Variants in ETFA observed in about 807,000 individuals in gnomAD.
The protein encoded by ETFA is electron transfer flavoprotein subunit alpha, also known as electron transfer flavoprotein subunit alpha, mitochondrial.
In ETFA, 22 loss-of-function variants were observed where a neutral mutation model predicts 46.2. The ratio of observed to expected loss-of-function variants is 0.48; its 90% CI spans 0.34 to 0.68. ETFA has a LOEUF of 0.68. Among genes scored for constraint, ETFA ranks in the 30% least tolerant of loss-of-function variants. The pLI is 0.01. For missense variants in ETFA, 345 were observed against 401.1 expected, an observed-to-expected ratio of 0.86 and a Z score of 1.19; for synonymous variants, 131 against 139.9, an observed-to-expected ratio of 0.94 and a Z score of 0.45.
chr15:76,285,800 T>C, intron 6 of ETFA, 62 bp from the exon 7 acceptor site: 1 of 1,056,756 alleles, frequency 9.5e-7, no homozygotes, highest in Non-Finnish European at 1.5e-6. Context: ...ACAAGAATTA[T>C]TTTCAAGAGA....
chr15:76,260,580 C>T, intron 9 of ETFA: 2 of 1,503,086 alleles, frequency 1.3e-6, no homozygotes, highest in South Asian at 1.2e-5. Flanking sequence ...GGCCCTGGTC[C>T]CCTCCATTGT....
chr15:76,286,356 C>G lies in ETFA; in HGVS notation c.562+15G>C, dbSNP rs2039704453. 7 of 1,528,596 alleles carry G rather than the reference C, an allele frequency of 4.6e-6. No individual in the cohort carries two copies. Among genetic ancestry groups the G allele is most frequent in the African/African-American group, 1.4e-5 (1 of 73,264 alleles). The allele number at this position is 1,528,596 out of a possible 1,614,324, so 94.7% of individuals were successfully genotyped here. A position where few individuals can be genotyped will look rare whatever the true frequency, so the allele number is the denominator to read the frequency against. On this transcript the variant is annotated intron_variant, in intron 6 of 11. Transcript: ENST00000557943. ...AGTAAGAAACAAAACAAAAAAACTCCAAATGAACACTCACCCTTTTCTGAA... is the reference window on the plus strand; with the variant it reads ...AGTAAGAAACAAAACAAAAAAACTCGAAATGAACACTCACCCTTTTCTGAA...
chr15:76,285,840 T>A (rs2039700391), intron 6 of ETFA, 102 bp from the exon 7 acceptor site: 1 of 791,408 alleles, frequency 1.3e-6, no homozygotes, highest in Non-Finnish European at 2.2e-6. Context: ...CCACGAAATT[T>A]AAGTTAATTA....
intron 9 of ETFA, chr15:76,261,551 G>A (rs1382107543): frequency 3.3e-6 from 2 of 603,268 alleles, no homozygotes; most frequent in Non-Finnish European, 6.0e-6. Context: ...AGCTTTGCCG[G>A]GACTCCCACG....
chr15:76,295,936 C>CTTTTTTTTGTTTTTTTTTT (rs2039816726), intron 1 of ETFA, among the ~76,000 whole-genome samples, 199 bp from the exon 2 acceptor site: 1 of 46,602 alleles, frequency 2.1e-5, no homozygotes, highest in Non-Finnish European at 4.2e-5. Context: ...CACTAATATT[C>CTTTTTTTTGTTTTTTTTTT]TTTTTTTTTT....
intron 4 of ETFA, 120 bp downstream of exon 4, chr15:76,292,311 C>T: frequency 2.6e-6 from 2 of 771,202 alleles, no homozygotes; most frequent in Non-Finnish European, 4.7e-6. Context: ...AGCAAAACTA[C>T]CACATCAATT....
intron 2 of ETFA, among the ~76,000 whole-genome samples, chr15:76,295,074 G>A (rs1268023722): frequency 6.6e-6 from 1 of 152,104 alleles, no homozygotes; most frequent in African/African-American, 2.4e-5. Flanking sequence ...GAGGGTTAGT[G>A]TTCCAAGCTG....
chr15:76,231,570 TTC>T (rs764377146), intron 9 of ETFA, among the ~76,000 whole-genome samples, 172 bp from the exon 10 acceptor site: 17 of 152,254 alleles, frequency 1.1e-4, no homozygotes, highest in Non-Finnish European at 1.2e-4. Context: ...TAACCTACAG[TTC>T]TCTTTTTCCT....
rs769672395 is a variant in ETFA at position 76,292,713 on chromosome 15, G to T, written c.187-13C>A. The T allele has an allele frequency of 2.6e-6, 4 of 1,561,724 alleles. No homozygotes were observed. The South Asian group carries it at 3.3e-5, about 13-fold the overall frequency. Reference sequence around the variant, plus strand: ...GATCTTGTGCCACCTATGATTAAAAGATAAGTTCCTAATTATCCATCTATC... The same window carrying T: ...GATCTTGTGCCACCTATGATTAAAATATAAGTTCCTAATTATCCATCTATC... On this transcript the variant is annotated splice_polypyrimidine_tract_variant and intron_variant, in intron 2 of 11. Coordinates refer to ENST00000557943, the MANE Select transcript of ETFA (RefSeq NM_000126.4).
Position 76,304,899 on chromosome 15 carries a change from C to T in ETFA, c.39+6451G>A, listed in dbSNP as rs914902095. Among the ~76,000 whole-genome samples, 58 of 151,696 alleles carry T rather than the reference C, an allele frequency of 3.8e-4. 1 individual carries two copies. Among genetic ancestry groups the T allele is most frequent in the Admixed American group, 3.6e-3 (55 of 15,234 alleles). On this transcript the variant is annotated intron_variant, in intron 1 of 11. Transcript: ENST00000557943. ...CTCTACTAAAAATACAAAAATTAGC[C>T]GGGCGTGGTGGCGGGCACCTGTAGT...
At chr15:76,303,509 T>C (rs1289885866) in intron 1 of ETFA, among the ~76,000 whole-genome samples, 1 of 144,672 alleles carries the variant, frequency 6.9e-6, no homozygotes, top group East Asian at 1.9e-4. Context: ...CAAAATAAAC[T>C]ATCAACAAAG....
At chr15:76,279,482 G>T (rs757202751) in intron 8 of ETFA, among the ~76,000 whole-genome samples, 18 of 152,050 alleles carry the variant, frequency 1.2e-4, no homozygotes, top group Non-Finnish European at 2.5e-4. Flanking sequence ...TTGCCGTGTT[G>T]CCCAGGCTGG....
intron 8 of ETFA, among the ~76,000 whole-genome samples, chr15:76,275,927 G>A (rs939088480): frequency 2.6e-5 from 4 of 151,916 alleles, no homozygotes; most frequent in Non-Finnish European, 5.9e-5. Flanking sequence ...TTATACATGA[G>A]CACATAAGTA....
At chr15:76,242,103 G>A (rs2039198124) in intron 9 of ETFA, among the ~76,000 whole-genome samples, 1 of 152,092 alleles carries the variant, frequency 6.6e-6, no homozygotes, top group African/African-American at 2.4e-5. Context: ...CCAAAGTGCT[G>A]GGATTACAGG....
At chr15:76,311,188 G>T (rs1255569386) in intron 1 of ETFA, among the ~76,000 whole-genome samples, 162 bp downstream of exon 1, 1 of 152,216 alleles carries the variant, frequency 6.6e-6, no homozygotes. Context: ...AGGGAGTCCA[G>T]GGTAGGCCCC....
chr15:76,261,127 C>G lies in ETFA; in HGVS notation c.816+13285G>C, dbSNP rs887286759. 4 of 1,521,100 alleles carry G rather than the reference C, an allele frequency of 2.6e-6. No homozygotes were observed. The Admixed American group carries it at 5.0e-5, about 19-fold the overall frequency. 94.2% of individuals were successfully genotyped at this position (1,521,100 alleles called of 1,614,324 possible). A position where few individuals can be genotyped will look rare whatever the true frequency, so the allele number is the denominator to read the frequency against. ...GAAAACATGGGTGCTCTGGGTCACC[C>G]CTGTTACATTTAAAACAAATGGAGA... On this transcript the variant is annotated intron_variant, in intron 9 of 11. Coordinates refer to ENST00000557943, the MANE Select transcript of ETFA (RefSeq NM_000126.4).
At chr15:76,248,629 T>C (rs989315851) in intron 9 of ETFA, among the ~76,000 whole-genome samples, 4 of 152,016 alleles carry the variant, frequency 2.6e-5, no homozygotes, top group African/African-American at 9.7e-5. Flanking sequence ...GCAACACACA[T>C]AACCAACAAA....
At chr15:76,256,997 C>T (rs538084645) in intron 9 of ETFA, among the ~76,000 whole-genome samples, 116 of 152,320 alleles carry the variant, frequency 7.6e-4, no homozygotes, top group African/African-American at 2.6e-3. Flanking sequence ...TACACAATAA[C>T]AAAATCGCCT....
At chr15:76,217,094 G>A (rs2038904409) in intron 11 of ETFA, among the ~76,000 whole-genome samples, 1 of 152,048 alleles carries the variant, frequency 6.6e-6, no homozygotes, top group South Asian at 2.1e-4. Flanking sequence ...TGAGATTACA[G>A]GCGTGAACCA....
Sources: gnomAD v4.1 joint callset for allele counts (sites outside exome capture counted in the v4.1 genomes callset) on GRCh38, gnomAD v4.1.1 for gene constraint, MANE v1.5 for transcripts, NCBI Gene and HGNC (gene_info 2026-07-23, HGNC 2026-07-21) for gene names.